The following SNW1 variants were observed in gnomAD, a reference collection of about 807,000 sequenced individuals.
The protein encoded by SNW1 is SNW domain-containing protein 1.
In SNW1, 9 loss-of-function variants were observed where a neutral mutation model predicts 75.6. That is an observed-to-expected ratio of 0.12 (90% CI 0.07 to 0.21). The LOEUF is 0.21. Ranked by LOEUF, SNW1 falls within the 10% of genes least tolerant of loss-of-function variation. The probability of loss-of-function intolerance (pLI) is 1.00; values close to 1 mark genes in which losing one functional copy is unlikely to be tolerated. For missense variants in SNW1, 409 were observed against 670.9 expected, an observed-to-expected ratio of 0.61 and a Z score of 4.31; for synonymous variants, 200 against 219.1, an observed-to-expected ratio of 0.91 and a Z score of 0.77.
intron 3 of SNW1, among the ~76,000 whole-genome samples, chr14:77,749,670 C>T (rs1380308689): frequency 5.3e-5 from 8 of 152,016 alleles, no homozygotes; most frequent in East Asian, 1.9e-4. Context: ...GGGGGGCTGA[C>T]ATACGATGAT....
intron 2 of SNW1, among the ~76,000 whole-genome samples, chr14:77,752,604 G>A (rs1252230319): frequency 1.3e-5 from 2 of 152,100 alleles, no homozygotes; most frequent in Non-Finnish European, 2.9e-5. Context: ...TGCAGCACCT[G>A]AACCCAGATC....
intron 1 of SNW1, among the ~76,000 whole-genome samples, chr14:77,757,793 G>A (rs1422167333): frequency 6.6e-6 from 1 of 152,084 alleles, no homozygotes; most frequent in Non-Finnish European, 1.5e-5. Flanking sequence ...TGTTGTAGGA[G>A]AAATAAATAC....
chr14:77,718,993 G>C (rs1022202053), intron 12 of SNW1, among the ~76,000 whole-genome samples: 1 of 152,112 alleles, frequency 6.6e-6, no homozygotes, highest in African/African-American at 2.4e-5. Context: ...GCTCACTGGA[G>C]CTGTGACCTC....
rs571029383 is a variant in SNW1 at position 77,753,678 on chromosome 14, G to A, written c.168+1289C>T. On this transcript the variant is annotated intron_variant, in intron 2 of 13. Transcript: ENST00000261531. ...CTCTAATAAAGAGTGTGGGGCAGGC[G>A]CGGTGGCTCACACCTGTAATCCCAG... Among the ~76,000 whole-genome samples, 29 of 152,166 alleles carry A rather than the reference G, an allele frequency of 1.9e-4. No homozygotes were observed. In the South Asian group the frequency reaches 5.4e-3, roughly 28 times the overall value.
Position 77,722,998 on chromosome 14 carries a change from C to T in SNW1, c.1130+183G>A, listed in dbSNP as rs948729748. ...TAGCTGGGACTACAGGCGCCTGCCA[C>T]GACCATGCCCGGCTAATTTTTTGTA... On this transcript the variant is annotated intron_variant, in intron 11 of 13. Transcript: ENST00000261531. 27 of 563,578 alleles carry T rather than the reference C, an allele frequency of 4.8e-5. 1 individual carries two copies. Among genetic ancestry groups the T allele is most frequent in the South Asian group, 2.5e-4 (13 of 52,218 alleles). 34.9% of individuals were successfully genotyped at this position (563,578 alleles called of 1,614,324 possible).
intron 11 of SNW1, among the ~76,000 whole-genome samples, chr14:77,721,936 TG>T (rs1322219709): frequency 1.3e-5 from 2 of 151,978 alleles, no homozygotes; most frequent in South Asian, 4.1e-4. Context: ...TTAGTAGAGA[TG>T]GGGTTTCACC....
rs370855739 is a variant in SNW1 at position 77,718,598 on chromosome 14, GT to G, written c.1249-69del. On this transcript the variant is annotated intron_variant, in intron 12 of 13. Transcript: ENST00000261531. The stretch of plus-strand genomic sequence containing the variant: ...TTTATCAAAAGCTGAATCATAACAT[GT>G]TTACAGTAAACCCTTGCTAATGTAC... The G allele has an allele frequency of 3.8e-3, 4,000 of 1,059,372 alleles. 71 individuals carry two copies. The South Asian group carries it at 0.041, about 11-fold the overall frequency. 65.6% of individuals were successfully genotyped at this position (1,059,372 alleles called of 1,614,324 possible). A position where few individuals can be genotyped will look rare whatever the true frequency, so the allele number is the denominator to read the frequency against.
chr14:77,751,186 T>TCCC, intron 3 of SNW1, 133 bp downstream of exon 3: 6 of 853,418 alleles, frequency 7.0e-6, no homozygotes, highest in Non-Finnish European at 1.1e-5. Flanking sequence ...TAGCTGGGAA[T>TCCC]ATAGGTACGA....
chr14:77,755,867 T>C (rs2080839142), intron 1 of SNW1, among the ~76,000 whole-genome samples: 1 of 151,952 alleles, frequency 6.6e-6, no homozygotes, highest in Non-Finnish European at 1.5e-5. Flanking sequence ...CCCTCCCAAG[T>C]AGCTGGGATT....
intron 10 of SNW1, among the ~76,000 whole-genome samples, chr14:77,726,629 G>A (rs550007325): frequency 1.6e-4 from 25 of 152,188 alleles, no homozygotes; most frequent in Middle Eastern, 3.4e-3. Context: ...CCTGGCCAAC[G>A]TGGTGAAACC....
Position 77,730,977 on chromosome 14 carries a change from G to A in SNW1, c.1033+11C>T. ...CAAGCAAAATTCAATTCAGTAATGA[G>A]AATGTCATACCTTTTTCCACATGAG... is the stretch of plus-strand genomic sequence containing the variant. On this transcript the variant is annotated intron_variant, in intron 10 of 13. Coordinates refer to ENST00000261531, the MANE Select transcript of SNW1 (RefSeq NM_012245.3). 6.2e-7 allele frequency: 1 copy of A among 1,609,162 alleles called. No individual in the cohort carries two copies. The highest frequency in any genetic ancestry group is 1.7e-4 in the Middle Eastern group (1 of 5,874).
rs1347788192 is a variant in SNW1, at chr14:77,737,004, A to G, written c.605T>C (p.Met202Thr). Residue 202 changes from methionine (M) to threonine (T), a missense_variant, in exon 6 of 14, where the codon ATG becomes ACG. Met to Thr is a moderately conservative substitution (Grantham distance 81, BLOSUM62 -1). This residue lies in a region of SNW1 where 70 missense variants were observed against 136.7 expected (regional missense o/e 0.51). Coordinates refer to ENST00000261531, the MANE Select transcript of SNW1 (RefSeq NM_012245.3). ...AKQRVIRMVE[M>T]QKDPMEPPRF... is the part of the protein sequence containing the mutation. ...TGGAGGCTCCATTGGATCTTTCTGC[A>G]TTTCTACCATCCGAATAACCCTCTG... 1 of 1,613,742 alleles carries G rather than the reference A, an allele frequency of 6.2e-7. No homozygotes were observed. The highest frequency in any genetic ancestry group is 2.2e-5 in the East Asian group (1 of 44,864).
rs1332790011 is a variant in SNW1 at position 77,755,095 on chromosome 14, A to G, written c.40T>C (p.Ser14Pro). The G allele has an allele frequency of 3.7e-6, 6 of 1,612,898 alleles. No individual in the cohort carries two copies. In the African/African-American group the frequency reaches 6.7e-5, roughly 18 times the overall value. Reference sequence around the variant, plus strand: ...TCTTCAGCCTCAAGCTGGTCCTGAGATAGCTGAGTAGGTGCAGGTAAAAAG... The same window carrying G: ...TCTTCAGCCTCAAGCTGGTCCTGAGGTAGCTGAGTAGGTGCAGGTAAAAAG... ...TSFLPAPTQL[S>P]QDQLEAEEKA... Residue 14 changes from serine (S) to proline (P), a missense_variant, in exon 2 of 14, where the codon TCT (serine) becomes CCT (proline). Physicochemically the swap from Ser to Pro is moderately conservative, Grantham distance 74. Around this residue, in one of 9 missense-constraint regions of SNW1, gnomAD observed 73 missense variants for 68.3 expected, o/e 1.07. Coordinates refer to ENST00000261531, the MANE Select transcript of SNW1 (RefSeq NM_012245.3).
chr14:77,742,739 T>C (rs2080728402), intron 3 of SNW1, among the ~76,000 whole-genome samples: 1 of 151,780 alleles, frequency 6.6e-6, no homozygotes, highest in Admixed American at 6.6e-5. Flanking sequence ...TAACATTTCG[T>C]TTCTTTAAGA....
At chr14:77,756,593 T>TA (rs1363671279) in intron 1 of SNW1, among the ~76,000 whole-genome samples, 6 of 152,128 alleles carry the variant, frequency 3.9e-5, no homozygotes, top group Non-Finnish European at 5.9e-5. Context: ...ATTTAAAACT[T>TA]AGAGGCCAGG....
chr14:77,727,478 G>A (rs1347618757), intron 10 of SNW1, among the ~76,000 whole-genome samples: 1 of 152,190 alleles, frequency 6.6e-6, no homozygotes, highest in Non-Finnish European at 1.5e-5. Context: ...AGATCTCTGA[G>A]TAAAGACTTC....
intron 11 of SNW1, among the ~76,000 whole-genome samples, chr14:77,721,661 TCTC>T (rs2080541637): frequency 6.6e-6 from 1 of 152,200 alleles, no homozygotes; most frequent in Non-Finnish European, 1.5e-5. Context: ...AGTCTTTGCT[TCTC>T]CATGACATCA....
chr14:77,759,279 T>A (rs2080866847), intron 1 of SNW1, among the ~76,000 whole-genome samples: 1 of 152,040 alleles, frequency 6.6e-6, no homozygotes, highest in African/African-American at 2.4e-5. Context: ...GAGGCTGAGA[T>A]GGGTAGATCA....
intron 1 of SNW1, 150 bp from the exon 2 acceptor site, chr14:77,755,270 A>G (rs761563600): frequency 1.2e-5 from 8 of 662,688 alleles, no homozygotes; most frequent in African/African-American, 5.5e-5. Context: ...GTAGTACTCA[A>G]TACTAGCCAT....
Sources: gnomAD v4.1 joint callset for allele counts (sites outside exome capture counted in the v4.1 genomes callset) on GRCh38, gnomAD v4.1.1 for gene constraint, gnomAD v4.1.1 regional missense constraint, MANE v1.5 for transcripts, NCBI Gene and HGNC (gene_info 2026-07-23, HGNC 2026-07-21) for gene names.